Variants in DCX observed in about 807,000 individuals in gnomAD.
The protein encoded by DCX is doublecortin, also known as neuronal migration protein doublecortin.
A neutral mutation model predicts 20.9 loss-of-function variants in DCX; 4 were observed. The observed-to-expected ratio is 0.19, with a 90% CI of 0.09 to 0.44. The LOEUF (loss-of-function observed/expected upper bound fraction) is 0.44, where lower values mean the gene tolerates loss of function less well. Among genes scored for constraint, DCX ranks in the 20% least tolerant of loss-of-function variants. The pLI, the probability that DCX is intolerant of heterozygous loss-of-function variation, is 0.99. For synonymous variants in DCX, 103 were observed against 111.4 expected (o/e 0.92, Z 0.47); for missense variants, 133 against 296.9 (o/e 0.45, Z 4.06).
At chrX:111,342,667 T>C (rs766042692) in intron 3 of DCX, among the ~76,000 whole-genome samples, 1 of 108,721 alleles carries the variant, frequency 9.2e-6, no homozygotes, top group South Asian at 4.1e-4. Flanking sequence ...TAATTGGAAG[T>C]AAAACACTCC....
intron 2 of DCX, among the ~76,000 whole-genome samples, chrX:111,406,265 GC>G (rs1285890100): frequency 1.2e-4 from 13 of 111,939 alleles, no homozygotes; most frequent in Non-Finnish European, 1.9e-4. Context: ...CTTGGGTGTG[GC>G]CCAGGAATGT....
chrX:111,406,909 A>G (rs181535799), intron 2 of DCX, among the ~76,000 whole-genome samples: 1 of 112,257 alleles, frequency 8.9e-6, no homozygotes, highest in Non-Finnish European at 1.9e-5. Context: ...AAATCATTGT[A>G]CACTTGAATG....
At chrX:111,370,213 C>G (rs1924964528) in intron 3 of DCX, among the ~76,000 whole-genome samples, 1 of 111,620 alleles carries the variant, frequency 9.0e-6, no homozygotes, top group Admixed American at 9.6e-5. Context: ...TATTTTCAGT[C>G]ATTTTACTCT....
chrX:111,381,478 A>G (rs757080860), intron 3 of DCX, among the ~76,000 whole-genome samples: 1 of 110,522 alleles, frequency 9.0e-6, no homozygotes, highest in South Asian at 3.9e-4. Context: ...CTTTCATGGG[A>G]GGAGGTGGGG....
rs1242909617 is a variant in DCX at position 111,293,946 on chromosome X, A to C, written c.*7741T>G. On this transcript the variant is annotated 3_prime_UTR_variant, in exon 7 of 7. Coordinates refer to ENST00000636035, the MANE Select transcript of DCX (RefSeq NM_001195553.2). The stretch of plus-strand genomic sequence containing the variant: ...TGCGAATCTTCAGCACTCACAGTTC[A>C]CAGCACCTTACACACATGGCAAACT... 1 of 112,469 alleles carries C rather than the reference A, an allele frequency of 8.9e-6. No homozygotes were observed. Among genetic ancestry groups the C allele is most frequent in the East Asian group, 2.8e-4 (1 of 3,573 alleles). The allele number at this position is 112,469 out of a possible 1,213,427, so 9.3% of individuals were successfully genotyped here.
At chrX:111,371,947 CA>C (rs1925124802) in intron 3 of DCX, among the ~76,000 whole-genome samples, 1 of 109,724 alleles carries the variant, frequency 9.1e-6, no homozygotes, top group East Asian at 2.9e-4. Flanking sequence ...CACACACACA[CA>C]CACACACACA....
intron 1 of DCX, chrX:111,410,999 T>A (rs1928667617): frequency 2.6e-6 from 3 of 1,148,370 alleles, no homozygotes; most frequent in Non-Finnish European, 3.6e-6. Flanking sequence ...TCTTTCCTAC[T>A]CTAATGTGTG....
intron 5 of DCX, among the ~76,000 whole-genome samples, chrX:111,317,175 A>G (rs1460677695): frequency 1.1e-4 from 12 of 112,029 alleles, no homozygotes; most frequent in Admixed American, 9.5e-4. Context: ...ACTTTAAACT[A>G]TACCATAGGG....
At chrX:111,391,629 T>G (rs148452072) in intron 3 of DCX, among the ~76,000 whole-genome samples, 2,921 of 110,770 alleles carry the variant, frequency 0.026, 110 homozygotes, top group African/African-American at 0.091. Flanking sequence ...GTGTAAGATG[T>G]TCAGCAGCAT....
At chrX:111,328,623 CCTCT>C (rs2095105241) in intron 5 of DCX, among the ~76,000 whole-genome samples, 1 of 111,777 alleles carries the variant, frequency 8.9e-6, no homozygotes, top group African/African-American at 3.2e-5. Flanking sequence ...GAGTCTGGTT[CCTCT>C]CTCTTTGAAT....
At chrX:111,360,326 T>A (rs1274712139) in intron 3 of DCX, among the ~76,000 whole-genome samples, 1 of 111,575 alleles carries the variant, frequency 9.0e-6, no homozygotes, top group African/African-American at 3.3e-5. Flanking sequence ...TTATGTTAAG[T>A]GAAATAAGCC....
At chrX:111,350,083 C>G (rs1035130908) in intron 3 of DCX, among the ~76,000 whole-genome samples, 2 of 111,791 alleles carry the variant, frequency 1.8e-5, no homozygotes, top group Non-Finnish European at 3.8e-5. Context: ...TGCCCAGCAA[C>G]CTCTCAGGCA....
At chrX:111,379,932 G>T (rs1925841809) in intron 3 of DCX, among the ~76,000 whole-genome samples, 1 of 111,079 alleles carries the variant, frequency 9.0e-6, no homozygotes, top group African/African-American at 3.3e-5. Context: ...GTCTCGATTT[G>T]CATTTACCTC....
intron 3 of DCX, among the ~76,000 whole-genome samples, chrX:111,361,071 A>G (rs759320786): frequency 2.5e-4 from 28 of 111,676 alleles, no homozygotes; most frequent in Non-Finnish European, 4.3e-4. Flanking sequence ...CTGTCTCTAT[A>G]TATTTCCAAA....
At chrX:111,334,725 A>G (rs1353290266) in intron 3 of DCX, among the ~76,000 whole-genome samples, 8 of 112,239 alleles carry the variant, frequency 7.1e-5, no homozygotes, top group Non-Finnish European at 1.5e-4. Context: ...CATATAGATC[A>G]GTCACTGGGG....
chrX:111,344,061 C>T (rs1569490845), intron 3 of DCX, among the ~76,000 whole-genome samples: 1 of 112,050 alleles, frequency 8.9e-6, no homozygotes, highest in Non-Finnish European at 1.9e-5. Flanking sequence ...TCGGCTTCAT[C>T]CTGGGATGCA....
intron 3 of DCX, among the ~76,000 whole-genome samples, chrX:111,357,140 C>T (rs1435083536): frequency 9.0e-6 from 1 of 111,468 alleles, no homozygotes; most frequent in Non-Finnish European, 1.9e-5. Flanking sequence ...TTTAGTTGAG[C>T]CCAAGGTTAT....
At chrX:111,384,913 T>C (rs1047511745) in intron 3 of DCX, among the ~76,000 whole-genome samples, 1 of 112,700 alleles carries the variant, frequency 8.9e-6, no homozygotes, top group Admixed American at 9.3e-5. Context: ...GAATATATTC[T>C]ACCAAAGTAG....
intron 6 of DCX, among the ~76,000 whole-genome samples, chrX:111,308,872 T>A (rs978217131): frequency 9.0e-6 from 1 of 110,704 alleles, no homozygotes; most frequent in Non-Finnish European, 1.9e-5. Flanking sequence ...TAGATTTTTT[T>A]TTTTTTTGAA....
Sources: gnomAD v4.1 joint callset for allele counts (sites outside exome capture counted in the v4.1 genomes callset) on GRCh38, gnomAD v4.1.1 for gene constraint, MANE v1.5 for transcripts, NCBI Gene and HGNC (gene_info 2026-07-23, HGNC 2026-07-21) for gene names.